MAGI1: variants seen among roughly 807,000 people sequenced by gnomAD.
MAGI1 encodes membrane-associated guanylate kinase, WW and PDZ domain-containing protein 1.
A neutral mutation model predicts 139.9 loss-of-function variants in MAGI1; 58 were observed. The observed-to-expected ratio is 0.41, with a 90% CI of 0.34 to 0.52. MAGI1 has a LOEUF of 0.52. Ranked by LOEUF, MAGI1 falls within the 20% of genes least tolerant of loss-of-function variation. MAGI1 has a pLI of 0.12. For missense variants in MAGI1, 1,874 were observed against 1,901.6 expected (o/e 0.99, Z 0.27); for synonymous variants, 812 against 737.9 (o/e 1.10, Z -1.63).
rs77146395 is a variant in MAGI1, at chr3:65,760,584, T to C, written c.314-138496A>G. Among the ~76,000 whole-genome samples the C allele has an allele frequency of 9.6e-3, 1,460 of 152,138 alleles. 26 individuals are homozygous for C. The highest frequency in any genetic ancestry group is 0.033 in the African/African-American group (1,364 of 41,514). ...CACTACGCCCAACTAATTGTTTTAT[T>C]TGTTGTAAAGACGGGGTCTCCCTAT... is the stretch of plus-strand genomic sequence containing the variant. On this transcript the variant is annotated intron_variant, in intron 1 of 22. Transcript: ENST00000402939.
chr3:65,607,228 T>C (rs1246942617), intron 2 of MAGI1, among the ~76,000 whole-genome samples: 1 of 151,582 alleles, frequency 6.6e-6, no homozygotes, highest in Non-Finnish European at 1.5e-5. Flanking sequence ...CCCTGTCAAA[T>C]AGCTGGTACC....
At position 65,752,453 on chromosome 3, in the gene MAGI1, T is replaced by C. The variant is rs1045974567; in HGVS notation, c.314-130365A>G. Among the ~76,000 whole-genome samples the C allele has an allele frequency of 2.4e-4, 36 of 152,252 alleles. 1 individual carries two copies. Among genetic ancestry groups the C allele is most frequent in the Admixed American group, 2.3e-3 (35 of 15,282 alleles). On this transcript the variant is annotated intron_variant, in intron 1 of 22. Coordinates refer to ENST00000402939, the MANE Select transcript of MAGI1 (RefSeq NM_001033057.2). ...GGTAACCAATCAAATCAATGTAATT[T>C]AATGTCAAAATTAATGACATAATTA...
chr3:65,477,672 C>T (rs1950969343), intron 4 of MAGI1, among the ~76,000 whole-genome samples: 2 of 150,412 alleles, frequency 1.3e-5, no homozygotes, highest in Admixed American at 6.7e-5. Context: ...GGTCACTGCA[C>T]TAACCCAAGG....
intron 1 of MAGI1, among the ~76,000 whole-genome samples, chr3:65,988,598 T>C (rs2066005017): frequency 6.6e-6 from 1 of 152,198 alleles, no homozygotes; most frequent in South Asian, 2.1e-4. Flanking sequence ...GTCTAACCTC[T>C]AGAAACCATA....
At chr3:65,395,052 T>C (rs144812306) in intron 13 of MAGI1, among the ~76,000 whole-genome samples, 25 of 152,244 alleles carry the variant, frequency 1.6e-4, no homozygotes, top group African/African-American at 6.0e-4. Context: ...ACACAAATGA[T>C]ATAACATCCA....
chr3:65,858,697 A>C (rs1229029398), intron 1 of MAGI1, among the ~76,000 whole-genome samples: 1 of 152,188 alleles, frequency 6.6e-6, no homozygotes, highest in Non-Finnish European at 1.5e-5. Context: ...TTTTAAAACC[A>C]CCAATGACCT....
At chr3:65,787,807 A>G (rs2039501450) in intron 1 of MAGI1, among the ~76,000 whole-genome samples, 1 of 152,106 alleles carries the variant, frequency 6.6e-6, no homozygotes, top group African/African-American at 2.4e-5. Flanking sequence ...ATATGGGGAG[A>G]AAGGCATATT....
intron 1 of MAGI1, among the ~76,000 whole-genome samples, chr3:65,965,066 C>A (rs2064672349): frequency 6.6e-6 from 1 of 152,230 alleles, no homozygotes; most frequent in South Asian, 2.1e-4. Flanking sequence ...TGGCCAGAAT[C>A]TACTGCATAT....
At chr3:65,667,450 ATG>A (rs1234951130) in intron 1 of MAGI1, among the ~76,000 whole-genome samples, 3 of 152,190 alleles carry the variant, frequency 2.0e-5, no homozygotes, top group African/African-American at 7.2e-5. Flanking sequence ...GAGAAGTGTG[ATG>A]TGTGTTTTGC....
intron 2 of MAGI1, among the ~76,000 whole-genome samples, chr3:65,548,939 G>T (rs1408527237): frequency 6.6e-6 from 1 of 152,294 alleles, no homozygotes; most frequent in East Asian, 1.9e-4. Context: ...AGGCAGCAAG[G>T]GGGAAGGGAA....
chr3:65,534,126 T>C (rs2078840278), intron 2 of MAGI1, among the ~76,000 whole-genome samples: 1 of 152,090 alleles, frequency 6.6e-6, no homozygotes, highest in African/African-American at 2.4e-5. Flanking sequence ...AGAGAATAAA[T>C]GTTTGTTGTA....
At chr3:65,456,397 CG>C (rs1196286711) in intron 5 of MAGI1, among the ~76,000 whole-genome samples, 9 of 151,376 alleles carry the variant, frequency 5.9e-5, no homozygotes, top group Non-Finnish European at 1.3e-4. Flanking sequence ...TTTTTCACTC[CG>C]GAGTTTTGAG....
chr3:65,534,391 C>T (rs866066727), intron 2 of MAGI1, among the ~76,000 whole-genome samples: 1 of 151,912 alleles, frequency 6.6e-6, no homozygotes, highest in South Asian at 2.1e-4. Flanking sequence ...CTCAGGAGGC[C>T]GAGGTGGAGG....
intron 2 of MAGI1, among the ~76,000 whole-genome samples, chr3:65,588,135 G>A (rs1052971927): frequency 2.0e-5 from 3 of 152,170 alleles, no homozygotes; most frequent in Non-Finnish European, 4.4e-5. Flanking sequence ...AGCATGAAAT[G>A]AAAATTGATG....
At position 65,812,699 on chromosome 3, in the gene MAGI1, CTTTTTTT is replaced by C. The variant is rs539502538; in HGVS notation, c.314-190618_314-190612del. ...AAACTGACTGGTTAAAGTTAGTTTA[CTTTTTTT>C]TTTTTTTTTTTTTTTTTTTTTGAGA... On this transcript the variant is annotated intron_variant, in intron 1 of 22. Coordinates refer to ENST00000402939, the MANE Select transcript of MAGI1 (RefSeq NM_001033057.2). Among the ~76,000 whole-genome samples the C allele has an allele frequency of 7.8e-3, 569 of 72,896 alleles. 3 individuals are homozygous for C. Among genetic ancestry groups the C allele is most frequent in the African/African-American group, 0.031 (537 of 17,134 alleles). The allele number at this position is 72,896 out of a possible 152,430, so 47.8% of individuals were successfully genotyped here.
At chr3:65,485,152 G>C (rs12054362) in intron 3 of MAGI1, among the ~76,000 whole-genome samples, 118,375 of 152,154 alleles carry the variant, frequency 0.78, 46,157 homozygotes, top group African/African-American at 0.83. Flanking sequence ...CTTTCCAGTC[G>C]GTCAATTACA....
At chr3:65,364,803 C>G (rs1575603982) in intron 19 of MAGI1, 50 bp downstream of exon 19, 1 of 1,607,558 alleles carries the variant, frequency 6.2e-7, no homozygotes, top group Non-Finnish European at 8.5e-7. Context: ...TATTGTCATG[C>G]TGGGAGTTAC....
rs78786306 is a variant in MAGI1, at chr3:65,535,673, T to C, written c.431-42042A>G. 7.9e-3 allele frequency among the ~76,000 whole-genome samples: 1,207 copies of C among 152,354 alleles called. 11 individuals carry two copies. The highest frequency in any genetic ancestry group is 0.014 in the Middle Eastern group (4 of 294). On this transcript the variant is annotated intron_variant, in intron 2 of 22. Coordinates refer to ENST00000402939, the MANE Select transcript of MAGI1 (RefSeq NM_001033057.2). ...AATGGCATTCAAATACCATCACTCA[T>C]TCAGCTGAAAGCTGTTTTATGCATG...
intron 10 of MAGI1, among the ~76,000 whole-genome samples, chr3:65,432,401 A>C (rs1947522739): frequency 6.6e-6 from 1 of 152,162 alleles, no homozygotes; most frequent in South Asian, 2.1e-4. Context: ...TAGGAAAGAA[A>C]GTTATTTTTG....
Sources: gnomAD v4.1 joint callset for allele counts (sites outside exome capture counted in the v4.1 genomes callset) on GRCh38, gnomAD v4.1.1 for gene constraint, MANE v1.5 for transcripts, NCBI Gene and HGNC (gene_info 2026-07-23, HGNC 2026-07-21) for gene names.